NOL4: variants seen among roughly 807,000 people sequenced by gnomAD.
The protein encoded by NOL4 is nucleolar protein 4.
In NOL4, 17 loss-of-function variants were observed where a neutral mutation model predicts 75.9. The ratio of observed to expected loss-of-function variants is 0.22; its 90% CI spans 0.15 to 0.34. NOL4 has a LOEUF of 0.34. Ranked by LOEUF, NOL4 falls within the 10% of genes least tolerant of loss-of-function variation. The pLI, the probability that NOL4 is intolerant of heterozygous loss-of-function variation, is 1.00. For missense variants in NOL4, 614 were observed against 793.5 expected (o/e 0.77, Z 2.72); for synonymous variants, 292 against 289.9 (o/e 1.01, Z -0.07).
At chr18:33,962,547 T>A (rs1056241373) in intron 6 of NOL4, among the ~76,000 whole-genome samples, 24 of 152,178 alleles carry the variant, frequency 1.6e-4, no homozygotes, top group Admixed American at 1.5e-3. Context: ...TACTAACATA[T>A]CATAACTATA....
intron 4 of NOL4, among the ~76,000 whole-genome samples, chr18:34,099,775 G>A (rs1600583434): frequency 6.6e-6 from 1 of 152,102 alleles, no homozygotes; most frequent in Non-Finnish European, 1.5e-5. Flanking sequence ...TCCATGGCTT[G>A]TCATTTTAAT....
intron 6 of NOL4, among the ~76,000 whole-genome samples, chr18:33,982,180 A>G (rs139497024): frequency 1.6e-3 from 248 of 152,254 alleles, no homozygotes; most frequent in African/African-American, 5.6e-3. Flanking sequence ...AGAAAACAGT[A>G]ACAAACATAG....
intron 1 of NOL4, chr18:34,222,417 G>A: frequency 8.9e-7 from 1 of 1,127,950 alleles, no homozygotes; most frequent in Non-Finnish European, 1.1e-6. Flanking sequence ...CTCTGGGAGT[G>A]ATCGAGGCAT....
intron 6 of NOL4, among the ~76,000 whole-genome samples, chr18:33,975,412 T>C (rs1368191621): frequency 6.6e-6 from 1 of 152,214 alleles, no homozygotes; most frequent in Admixed American, 6.5e-5. Context: ...CTTCTTCTTT[T>C]CCTTTACTCT....
intron 6 of NOL4, among the ~76,000 whole-genome samples, chr18:33,965,359 G>A (rs1334899696): frequency 2.0e-5 from 3 of 152,018 alleles, no homozygotes; most frequent in Non-Finnish European, 2.9e-5. Context: ...TACAAGCATG[G>A]TGGCATGCAT....
chr18:34,189,809 T>C (rs975662902), intron 1 of NOL4, among the ~76,000 whole-genome samples: 21 of 152,006 alleles, frequency 1.4e-4, no homozygotes, highest in African/African-American at 3.9e-4. Context: ...CCCATAAGGC[T>C]GAGTTATTTG....
chr18:34,012,661 CA>C (rs1274037741), intron 6 of NOL4, among the ~76,000 whole-genome samples: 1 of 151,696 alleles, frequency 6.6e-6, no homozygotes, highest in Non-Finnish European at 1.5e-5. Context: ...ATTTATGAAC[CA>C]AAGCAATAAA....
rs139587715 is a variant in NOL4 at position 34,163,572 on chromosome 18, T to G, written c.265-33552A>C. On this transcript the variant is annotated intron_variant, in intron 1 of 10. Transcript: ENST00000261592. ...CTCTTCAAGGAGAACTACAAACCAC[T>G]GCTCAGTGAAATAAAAGAGGATACA... Among the ~76,000 whole-genome samples, 325 of 152,224 alleles carry G rather than the reference T, an allele frequency of 2.1e-3. 11 individuals are homozygous for G. In the East Asian group the frequency reaches 0.057, roughly 27 times the overall value.
intron 9 of NOL4, among the ~76,000 whole-genome samples, chr18:33,906,762 T>C (rs2066072434): frequency 6.6e-6 from 1 of 152,178 alleles, no homozygotes; most frequent in Non-Finnish European, 1.5e-5. Flanking sequence ...CAGGCTTAGA[T>C]ATGGCTTTCA....
chr18:34,209,208 A>G (rs964722682), intron 1 of NOL4, among the ~76,000 whole-genome samples: 3 of 151,816 alleles, frequency 2.0e-5, no homozygotes, highest in African/African-American at 7.2e-5. Context: ...AAAAAAAAAA[A>G]AAAAAAGAAA....
chr18:33,946,526 G>A (rs1423005776), intron 8 of NOL4, among the ~76,000 whole-genome samples: 7 of 151,726 alleles, frequency 4.6e-5, no homozygotes, highest in Non-Finnish European at 1.0e-4. Context: ...TGAATTGGGA[G>A]TTATAATCCC....
At chr18:33,869,745 A>T (rs1194552795) in intron 10 of NOL4, among the ~76,000 whole-genome samples, 1 of 152,100 alleles carries the variant, frequency 6.6e-6, no homozygotes, top group Non-Finnish European at 1.5e-5. Flanking sequence ...TCAATAAGCC[A>T]TGAAGGCAAA....
Position 33,917,486 on chromosome 18 carries a change from G to T in NOL4, c.1542+25579C>A, listed in dbSNP as rs8085512. ...ATGATCGTCTTAAACTCTATAGAAGGCTAATTTTAATTAATTAATTAATGT... is the reference window on the plus strand; with the variant it reads ...ATGATCGTCTTAAACTCTATAGAAGTCTAATTTTAATTAATTAATTAATGT... On this transcript the variant is annotated intron_variant, in intron 9 of 10. Transcript: ENST00000261592. Among the ~76,000 whole-genome samples the T allele has an allele frequency of 2.7e-3, 416 of 151,918 alleles. 3 individuals are homozygous for T. The highest frequency in any genetic ancestry group is 9.6e-3 in the African/African-American group (399 of 41,390).
chr18:33,964,374 C>G (rs543488011), intron 6 of NOL4, among the ~76,000 whole-genome samples: 1 of 151,584 alleles, frequency 6.6e-6, no homozygotes, highest in Non-Finnish European at 1.5e-5. Context: ...TGATCTAGCA[C>G]TGTGTGTCTT....
intron 5 of NOL4, chr18:34,023,653 T>G (rs1186019037): frequency 3.4e-6 from 1 of 298,282 alleles, no homozygotes; most frequent in Non-Finnish European, 7.1e-6. Flanking sequence ...CCAGGGTACC[T>G]AGCAACAGAG....
intron 1 of NOL4, among the ~76,000 whole-genome samples, chr18:34,161,253 G>C (rs563840979): frequency 6.6e-6 from 1 of 152,130 alleles, no homozygotes; most frequent in South Asian, 2.1e-4. Context: ...CTTGGCTATT[G>C]TGCATAGTGC....
chr18:34,187,573 G>C (rs934953655), intron 1 of NOL4, among the ~76,000 whole-genome samples: 6 of 151,922 alleles, frequency 3.9e-5, no homozygotes, highest in African/African-American at 1.4e-4. Flanking sequence ...TTTTTTAGTA[G>C]AGACGGGGTT....
intron 1 of NOL4, among the ~76,000 whole-genome samples, chr18:34,167,647 T>A (rs942684054): frequency 2.0e-5 from 3 of 152,134 alleles, no homozygotes; most frequent in African/African-American, 7.2e-5. Context: ...CACATATGTA[T>A]GTGAAATCTT....
chr18:33,933,410 G>C (rs1209291684), intron 9 of NOL4, among the ~76,000 whole-genome samples: 1 of 152,142 alleles, frequency 6.6e-6, no homozygotes, highest in Non-Finnish European at 1.5e-5. Flanking sequence ...CAAGAATGAG[G>C]CTTGCCACAC....
Sources: gnomAD v4.1 joint callset for allele counts (sites outside exome capture counted in the v4.1 genomes callset) on GRCh38, gnomAD v4.1.1 for gene constraint, MANE v1.5 for transcripts, NCBI Gene and HGNC (gene_info 2026-07-23, HGNC 2026-07-21) for gene names.